The following DNASE1L1 variants were observed in gnomAD, a reference collection of about 807,000 sequenced individuals.
The protein encoded by DNASE1L1 is deoxyribonuclease 1 like 1.
DNASE1L1 carries 8 observed loss-of-function variants against 18.6 expected under a neutral mutation model. That is an observed-to-expected ratio of 0.43 (90% confidence interval 0.25 to 0.78). DNASE1L1 has a LOEUF of 0.78. Among genes scored for constraint, DNASE1L1 ranks in the 30% least tolerant of loss-of-function variants. The probability of loss-of-function intolerance (pLI) is 0.23; values close to 1 mark genes in which losing one functional copy is unlikely to be tolerated. For missense variants in DNASE1L1, 214 were observed against 258.2 expected, an observed-to-expected ratio of 0.83 and a Z score of 1.17; for synonymous variants, 114 against 114.2, an observed-to-expected ratio of 1.00 and a Z score of 0.01.
intron 4 of DNASE1L1, 183 bp from the exon 5 acceptor site, chrX:154,403,805 C>T: frequency 2.3e-6 from 1 of 441,022 alleles, no homozygotes; most frequent in South Asian, 3.4e-5. Flanking sequence ...TCACCTGCTT[C>T]AAGTATACAA....
chrX:154,405,720 C>CGAGAT (rs1557188341), intron 1 of DNASE1L1, 65 bp from the exon 2 acceptor site: 1 of 474,281 alleles, frequency 2.1e-6, no homozygotes, highest in Non-Finnish European at 3.2e-6. Context: ...AGTGACCTCC[C>CGAGAT]GAGATCATAC....
chrX:154,406,688 T>A (rs1453664131), intron 1 of DNASE1L1, among the ~76,000 whole-genome samples: 2 of 94,254 alleles, frequency 2.1e-5, no homozygotes, highest in East Asian at 3.2e-4. Context: ...TTTTTTTTTT[T>A]AAATAGAGAC....
At chrX:154,407,140 G>A (rs1488376496) in intron 1 of DNASE1L1, among the ~76,000 whole-genome samples, 1 of 98,773 alleles carries the variant, frequency 1.0e-5, no homozygotes, top group African/African-American at 3.6e-5. Flanking sequence ...GCAGCCTCCT[G>A]AATTCTATGT....
intron 1 of DNASE1L1, among the ~76,000 whole-genome samples, chrX:154,406,873 C>T (rs939653367): frequency 1.8e-5 from 2 of 109,717 alleles, no homozygotes; most frequent in African/African-American, 6.6e-5. Context: ...GGATTACAGG[C>T]GTGAGCCAGA....
chrX:154,401,555 C>T lies in DNASE1L1; in HGVS notation c.*1152G>A, dbSNP rs1210360980. The T allele has an allele frequency of 8.6e-6, 1 of 116,250 alleles. No individual in the cohort carries two copies. Among genetic ancestry groups the T allele is most frequent in the Admixed American group, 8.6e-5 (1 of 11,609 alleles). 9.6% of individuals were successfully genotyped at this position (116,250 alleles called of 1,213,427 possible). On this transcript the variant is annotated 3_prime_UTR_variant, in exon 8 of 8. Coordinates refer to ENST00000369807, the MANE Select transcript of DNASE1L1 (RefSeq NM_001303620.2). ...TGGCCTGGGGATCTTAGATGTCTGA[C>T]CTGAACTATTGTAGAACAGCGCTGG...
rs1557188065 is a variant in DNASE1L1 at position 154,405,068 on chromosome X, C to T, written c.151G>A (p.Asp51Asn). The T allele has an allele frequency of 2.5e-6, 3 of 1,210,339 alleles. No individual in the cohort carries two copies. Among genetic ancestry groups the T allele is most frequent in the East Asian group, 3.0e-5 (1 of 33,803 alleles). ...DTLVRILARC[D>N]IMVLQEVVDS... is the part of the protein sequence containing the mutation. The stretch of plus-strand genomic sequence containing the variant: ...ACCACCTCCTGCAGCACCATGATGT[C>T]ACAGCGAGCCAGTATCTGTGGGACA... The change falls in exon 3 of 8, where the codon GAC becomes AAC. Residue 51 changes from aspartate to asparagine, a missense_variant. Physicochemically the swap from Asp to Asn is conservative, Grantham distance 23. Transcript: ENST00000369807.
upstream of DNASE1L1, chrX:154,411,570 C>T (rs1219319008): frequency 5.0e-6 from 2 of 396,122 alleles, no homozygotes; most frequent in African/African-American, 5.3e-5. Context: ...GCCGGGGTGC[C>T]AGCGCCCGCC....
intron 3 of DNASE1L1, 21 bp from the exon 4 acceptor site, chrX:154,404,935 G>A (rs782107050): frequency 1.2e-5 from 14 of 1,206,968 alleles, no homozygotes; most frequent in Admixed American, 8.7e-5. Flanking sequence ...AAGGGGAGGC[G>A]GGGTCAGGGC....
chrX:154,403,445 G>C (rs782723237), intron 5 of DNASE1L1, 64 bp from the exon 6 acceptor site: 1 of 1,195,626 alleles, frequency 8.4e-7, no homozygotes, highest in South Asian at 1.8e-5. Flanking sequence ...AGCCCGTCTG[G>C]GTGAGGAAGC....
At chrX:154,406,373 T>TTG (rs2148161989) in intron 1 of DNASE1L1, among the ~76,000 whole-genome samples, 1 of 103,729 alleles carries the variant, frequency 9.6e-6, no homozygotes, top group African/African-American at 3.6e-5. Context: ...ATCTGGTTTT[T>TTG]TTTTTTTTTT....
At position 154,402,681 on chromosome X, in the gene DNASE1L1, C is replaced by T; in HGVS notation, c.*26G>A. 1.7e-6 allele frequency: 2 copies of T among 1,189,826 alleles called. No homozygotes were observed. The highest frequency in any genetic ancestry group is 2.3e-6 in the Non-Finnish European group (2 of 882,926). ...CTGGGGTTTAAGTCCCAAAAGGCAGCAGGCCCTGGGGGGGTAGGGGGACGC... is the reference window on the plus strand; with the variant it reads ...CTGGGGTTTAAGTCCCAAAAGGCAGTAGGCCCTGGGGGGGTAGGGGGACGC... On this transcript the variant is annotated 3_prime_UTR_variant, in exon 8 of 8. Transcript: ENST00000369807.
At position 154,402,684 on chromosome X, in the gene DNASE1L1, G is replaced by A. The variant is rs1445223603; in HGVS notation, c.*23C>T. ...GGGTTTAAGTCCCAAAAGGCAGCAGGCCCTGGGGGGGTAGGGGGACGCTCA... is the reference window on the plus strand; with the variant it reads ...GGGTTTAAGTCCCAAAAGGCAGCAGACCCTGGGGGGGTAGGGGGACGCTCA... On this transcript the variant is annotated 3_prime_UTR_variant, in exon 8 of 8. Coordinates refer to ENST00000369807, the MANE Select transcript of DNASE1L1 (RefSeq NM_001303620.2). The A allele has an allele frequency of 4.2e-6, 5 of 1,194,487 alleles. No individual in the cohort carries two copies. The African/African-American group carries it at 7.0e-5, about 17-fold the overall frequency.
upstream of DNASE1L1, chrX:154,410,189 A>G (rs1230439800): frequency 1.8e-5 from 2 of 109,536 alleles, no homozygotes; most frequent in Non-Finnish European, 3.8e-5. Flanking sequence ...CAGTGAGCCG[A>G]GATCACACCA....
upstream of DNASE1L1, chrX:154,412,021 G>C (rs782506570): frequency 2.5e-6 from 3 of 1,204,529 alleles, no homozygotes; most frequent in South Asian, 3.6e-5. Flanking sequence ...GACTTAGGGT[G>C]GGGGACGCCG....
In DNASE1L1 at chrX:154,406,664, C is replaced by CT. The variant is rs782761679; in HGVS notation, c.-87-1010dup. Among the ~76,000 whole-genome samples, 784 of 86,114 alleles carry CT rather than the reference C, an allele frequency of 9.1e-3. 12 individuals carry two copies. Among genetic ancestry groups the CT allele is most frequent in the Admixed American group, 0.018 (129 of 7,198 alleles). The allele number at this position is 86,114 out of a possible 115,157, so 74.8% of individuals were successfully genotyped here. A position where few individuals can be genotyped will look rare whatever the true frequency, so the allele number is the denominator to read the frequency against. On this transcript the variant is annotated intron_variant, in intron 1 of 7. Coordinates refer to ENST00000369807, the MANE Select transcript of DNASE1L1 (RefSeq NM_001303620.2). ...GATTACAGGTGTGAGCCACCGTGTC[C>CT]TTTTTTTTTTTTTTTTTTTTTTTTA... is the stretch of plus-strand genomic sequence containing the variant.
At position 154,405,061 on chromosome X, in the gene DNASE1L1, A is replaced by G. The variant is rs1236324527; in HGVS notation, c.158T>C (p.Met53Thr). 8.3e-7 allele frequency: 1 copy of G among 1,209,603 alleles called. No individual in the cohort carries two copies. The highest frequency in any genetic ancestry group is 2.2e-5 in the Admixed American group (1 of 45,893). The change falls in exon 3 of 8, where the codon ATG (methionine) becomes ACG (threonine). Residue 53 changes from methionine (M) to threonine (T), a missense_variant. By Grantham distance (81) the Met-to-Thr change is moderately conservative. Transcript: ENST00000369807. ...AGAGTCCACCACCTCCTGCAGCACC[A>G]TGATGTCACAGCGAGCCAGTATCTG... ...LVRILARCDI[M>T]VLQEVVDSSG...
Position 154,401,261 on chromosome X carries a change from C to T in DNASE1L1, c.*1446G>A, listed in dbSNP as rs73569595. ...TTGTGGGCTAGAGGCTGACCAGCAG[C>T]GTTTATTTAGCAAGGGTAGGTGTGC... On this transcript the variant is annotated 3_prime_UTR_variant, in exon 8 of 8. Transcript: ENST00000369807. The T allele has an allele frequency of 4.2e-3, 1,044 of 249,703 alleles. 13 individuals are homozygous for T. The highest frequency in any genetic ancestry group is 0.028 in the African/African-American group (992 of 35,390). 20.6% of individuals were successfully genotyped at this position (249,703 alleles called of 1,213,427 possible). A position where few individuals can be genotyped will look rare whatever the true frequency, so the allele number is the denominator to read the frequency against.
At chrX:154,411,762 C>A, upstream of DNASE1L1, 1 of 930,597 alleles carries the variant, frequency 1.1e-6, no homozygotes, top group Middle Eastern at 3.8e-4. Flanking sequence ...GCCAGTGTCT[C>A]GAGCGGTCGA....
chrX:154,408,865 G>A (rs1383876966), intron 1 of DNASE1L1: 1 of 147,093 alleles, frequency 6.8e-6, no homozygotes, highest in Non-Finnish European at 1.4e-5. Flanking sequence ...TGCCTATTCT[G>A]GGATATACAT....
Sources: gnomAD v4.1 joint callset for allele counts (sites outside exome capture counted in the v4.1 genomes callset) on GRCh38, gnomAD v4.1.1 for gene constraint, MANE v1.5 for transcripts, NCBI Gene and HGNC (gene_info 2026-07-23, HGNC 2026-07-21) for gene names.